Variants in HIVEP3 observed in about 807,000 individuals in gnomAD.
HIVEP3 encodes the protein transcription factor HIVEP3.
A neutral mutation model predicts 152.8 loss-of-function variants in HIVEP3; 49 were observed. The ratio of observed to expected loss-of-function variants is 0.32; its 90% CI spans 0.26 to 0.41. The LOEUF is 0.41. Ranked by LOEUF, HIVEP3 falls within the 10% of genes least tolerant of loss-of-function variation. The pLI, the probability that HIVEP3 is intolerant of heterozygous loss-of-function variation, is 1.00. For synonymous variants in HIVEP3, 1,269 were observed against 1,289.0 expected (o/e 0.98, Z 0.33); for missense variants, 2,790 against 3,103.3 (o/e 0.90, Z 2.40).
Position 41,510,584 on chromosome 1 carries a change from G to A in HIVEP3, c.7088C>T (p.Ala2363Val), listed in dbSNP as rs768703374. The A allele has an allele frequency of 1.3e-6, 2 of 1,558,828 alleles. No individual in the cohort carries two copies. Among genetic ancestry groups the A allele is most frequent in the Admixed American group, 3.8e-5 (2 of 51,994 alleles). ...SSVGCLAEAS[A>V]RFPARTRNLS... ...GTTCCTCGTCCGGGCTGGGAAGCGGGCAGAGGCCTCTGCCAGGCAGCCCAC... is the reference window on the plus strand; with the variant it reads ...GTTCCTCGTCCGGGCTGGGAAGCGGACAGAGGCCTCTGCCAGGCAGCCCAC... Residue 2363 changes from alanine (A) to valine (V), a missense_variant, in exon 9 of 9, where the codon GCC becomes GTC. Ala to Val is a moderately conservative substitution (Grantham distance 64). This residue lies in a region of HIVEP3 where 816 missense variants were observed against 806.5 expected (regional missense o/e 1.01). Transcript: ENST00000372583.
intron 1 of HIVEP3, among the ~76,000 whole-genome samples, chr1:41,911,827 C>T (rs995142467): frequency 6.6e-6 from 1 of 152,174 alleles, no homozygotes; most frequent in African/African-American, 2.4e-5. Context: ...AGTGCCAGAG[C>T]TGGTACCCAA....
rs529087562 is a variant in HIVEP3 at position 41,594,258 on chromosome 1, T to C, written c.-521-8940A>G. On this transcript the variant is annotated intron_variant, in intron 3 of 8. Transcript: ENST00000372583. ...TATTTTTTGAAATGGAGTCTCGCTC[T>C]GTTGCCCAGGATGGAGTGCAGTGAC... 2.7e-3 allele frequency among the ~76,000 whole-genome samples: 407 copies of C among 152,360 alleles called. 3 individuals are homozygous for C. The highest frequency in any genetic ancestry group is 4.2e-3 in the Non-Finnish European group (283 of 68,042).
chr1:41,603,958 G>T (rs1644782131), intron 3 of HIVEP3, among the ~76,000 whole-genome samples: 1 of 152,184 alleles, frequency 6.6e-6, no homozygotes, highest in Admixed American at 6.5e-5. Context: ...ATACAATTTT[G>T]TCATTAGGGA....
chr1:41,926,715 T>C (rs954278987), intron 1 of HIVEP3, among the ~76,000 whole-genome samples: 4 of 152,196 alleles, frequency 2.6e-5, no homozygotes, highest in Middle Eastern at 3.2e-3. Context: ...TTAAGTGGAA[T>C]AGTCATAAAT....
intron 1 of HIVEP3, among the ~76,000 whole-genome samples, chr1:41,943,158 G>A (rs981622746): frequency 7.9e-5 from 12 of 151,764 alleles, no homozygotes; most frequent in East Asian, 7.7e-4. Context: ...CACCTGCCTC[G>A]GCCTCCCAAA....
At chr1:41,910,190 C>T (rs987397656) in intron 1 of HIVEP3, among the ~76,000 whole-genome samples, 3 of 151,694 alleles carry the variant, frequency 2.0e-5, no homozygotes, top group African/African-American at 7.3e-5. Context: ...CTTAAAAGAC[C>T]ATTTAACAAA....
chr1:41,888,672 C>T (rs367917188), intron 1 of HIVEP3, among the ~76,000 whole-genome samples: 3 of 150,906 alleles, frequency 2.0e-5, no homozygotes, highest in East Asian at 3.9e-4. Context: ...TTATCACATA[C>T]CTCATGTACC....
intron 3 of HIVEP3, among the ~76,000 whole-genome samples, chr1:41,598,854 T>G (rs1644705608): frequency 6.9e-6 from 1 of 144,936 alleles, no homozygotes; most frequent in South Asian, 2.3e-4. Context: ...CTCATTCTGT[T>G]GCCCAAACTG....
chr1:41,583,073 GT>G lies in HIVEP3; in HGVS notation c.1724del (p.His575ProfsTer13). The G allele has an allele frequency of 6.2e-7, 1 of 1,613,874 alleles. No individual in the cohort carries two copies. Among genetic ancestry groups the G allele is most frequent in the South Asian group, 1.1e-5 (1 of 91,070 alleles). ...DHITDSEALS[H>X]SSHVFTSHPR... ...GGTGGGAGGTAAACACGTGACTGCTGTGGCTCAGGGCTTCGGAGTCGGTGAT... is the reference window on the plus strand; with the variant it reads ...GGTGGGAGGTAAACACGTGACTGCTGGGCTCAGGGCTTCGGAGTCGGTGAT... On this transcript the variant is annotated frameshift_variant, in exon 4 of 9. Coordinates refer to ENST00000372583, the MANE Select transcript of HIVEP3 (RefSeq NM_024503.5). LOFTEE classifies it high-confidence loss of function. This position sits in a 1 kb window ranked among gnomAD's most constrained non-coding sequence, Gnocchi z 6.9.
At chr1:41,786,037 G>GTGTTGGGAGA (rs1276673778) in intron 1 of HIVEP3, among the ~76,000 whole-genome samples, 2 of 152,180 alleles carry the variant, frequency 1.3e-5, no homozygotes, top group Non-Finnish European at 2.9e-5. Flanking sequence ...CCTCATAAGG[G>GTGTTGGGAGA]TGTTGGGAGA....
At chr1:41,775,269 T>G (rs1047677483) in intron 1 of HIVEP3, among the ~76,000 whole-genome samples, 1 of 152,204 alleles carries the variant, frequency 6.6e-6, no homozygotes, top group Non-Finnish European at 1.5e-5. Flanking sequence ...CCTCTTAGTC[T>G]TTGTGGAAGA....
intron 2 of HIVEP3, among the ~76,000 whole-genome samples, chr1:41,695,638 C>A (rs965640191): frequency 2.0e-5 from 3 of 152,072 alleles, no homozygotes; most frequent in Non-Finnish European, 4.4e-5. Flanking sequence ...GGGGGTCAGC[C>A]GGCTGCAGAC....
At chr1:41,764,461 C>A (rs1047858189) in intron 1 of HIVEP3, among the ~76,000 whole-genome samples, 4 of 152,146 alleles carry the variant, frequency 2.6e-5, no homozygotes, top group Non-Finnish European at 4.4e-5. Context: ...GATAAGTCAA[C>A]CTTCAATGCT....
Position 41,664,599 on chromosome 1 carries a change from A to G in HIVEP3, c.-720-35652T>C, listed in dbSNP as rs963750992. On this transcript the variant is annotated intron_variant, in intron 2 of 8. Transcript: ENST00000372583. This position sits in a 1 kb window ranked among gnomAD's most constrained non-coding sequence, Gnocchi z 4.4. ...TGATCCCTCTCCCCTCCCAGGACTGATAAGTTTACAAATGTTTGTTAAGTG... is the reference window on the plus strand; with the variant it reads ...TGATCCCTCTCCCCTCCCAGGACTGGTAAGTTTACAAATGTTTGTTAAGTG... 2.6e-5 allele frequency among the ~76,000 whole-genome samples: 4 copies of G among 152,164 alleles called. No individual in the cohort carries two copies. Among genetic ancestry groups the G allele is most frequent in the African/African-American group, 9.7e-5 (4 of 41,432 alleles).
At position 41,581,103 on chromosome 1, in the gene HIVEP3, G is replaced by C; in HGVS notation, c.3695C>G (p.Ser1232Ter). The C allele has an allele frequency of 6.4e-7, 1 of 1,560,082 alleles. No homozygotes were observed. Among genetic ancestry groups the C allele is most frequent in the Non-Finnish European group, 8.7e-7 (1 of 1,152,422 alleles). ...SFLPMPYPTS[S>*]ALSSGFFLPL... is the part of the protein sequence containing the mutation. The stretch of plus-strand genomic sequence containing the variant: ...CAGGAAAAACCCAGAAGACAGTGCT[G>C]AGGAGGTCGGGTATGGCATGGGGAG... The change falls in exon 4 of 9, where the codon TCA (serine) becomes TGA (stop). Residue 1232 changes from serine (S) to a stop codon, truncating the protein, a stop_gained. Transcript: ENST00000372583. LOFTEE classifies it high-confidence loss of function. The surrounding 1 kb of genome is among the most constrained non-coding windows in gnomAD (Gnocchi z 4.5).
At chr1:41,883,808 C>T (rs1428136279) in intron 1 of HIVEP3, among the ~76,000 whole-genome samples, 1 of 152,158 alleles carries the variant, frequency 6.6e-6, no homozygotes, top group African/African-American at 2.4e-5. Flanking sequence ...CCAGAGCCAC[C>T]TCCATCTGGA....
At chr1:41,614,703 T>C (rs1644942781) in intron 3 of HIVEP3, among the ~76,000 whole-genome samples, 1 of 152,122 alleles carries the variant, frequency 6.6e-6, no homozygotes, top group Non-Finnish European at 1.5e-5. Context: ...CCAGAAGGGA[T>C]GGAAGAAGAT....
At chr1:41,602,032 T>G (rs1014354252) in intron 3 of HIVEP3, among the ~76,000 whole-genome samples, 5 of 151,718 alleles carry the variant, frequency 3.3e-5, no homozygotes, top group African/African-American at 1.2e-4. Flanking sequence ...TCTGATAATG[T>G]GATGTATAAC....
intron 1 of HIVEP3, among the ~76,000 whole-genome samples, chr1:41,882,464 T>C (rs1019604718): frequency 6.6e-6 from 1 of 152,188 alleles, no homozygotes; most frequent in African/African-American, 2.4e-5. Flanking sequence ...TGGTCATCTC[T>C]CCTCTAGGTA....
Sources: allele counts gnomAD v4.1 joint callset (sites outside exome capture counted in the v4.1 genomes callset), GRCh38; gene constraint gnomAD v4.1.1; regional missense constraint gnomAD v4.1.1; non-coding constraint Gnocchi (gnomAD v3.1); transcripts MANE v1.5; gene names NCBI Gene and HGNC (gene_info 2026-07-23, HGNC 2026-07-21).